Variants in LPP observed in about 807,000 individuals in gnomAD.
LPP encodes LIM domain containing preferred translocation partner in lipoma.
A neutral mutation model predicts 60.4 loss-of-function variants in LPP; 38 were observed. That is an observed-to-expected ratio of 0.63 (90% CI 0.49 to 0.83). The LOEUF is 0.83. LPP is among the 40% of genes least tolerant of loss of function. LPP has a pLI of 0.00. For synonymous variants in LPP, 328 were observed against 290.8 expected (o/e 1.13, Z -1.30); for missense variants, 902 against 783.6 (o/e 1.15, Z -1.80).
intron 9 of LPP, among the ~76,000 whole-genome samples, chr3:188,845,558 CT>C (rs1761188289): frequency 6.7e-6 from 1 of 148,736 alleles, no homozygotes; most frequent in Non-Finnish European, 1.5e-5. Context: ...ATTTGTTCTC[CT>C]TGATTGAATG....
intron 4 of LPP, among the ~76,000 whole-genome samples, chr3:188,422,401 C>G (rs562029751): frequency 6.6e-6 from 1 of 152,104 alleles, no homozygotes; most frequent in Non-Finnish European, 1.5e-5. Context: ...ACATTAAATG[C>G]CTGCCTTTTG....
intron 9 of LPP, among the ~76,000 whole-genome samples, chr3:188,833,985 T>A (rs1356800691): frequency 6.6e-6 from 1 of 152,206 alleles, no homozygotes; most frequent in Non-Finnish European, 1.5e-5. Flanking sequence ...TGTAAGTTTA[T>A]TTTGCCTGCT....
At chr3:188,792,824 G>A (rs941979232) in intron 9 of LPP, among the ~76,000 whole-genome samples, 1 of 152,168 alleles carries the variant, frequency 6.6e-6, no homozygotes, top group African/African-American at 2.4e-5. Context: ...AATACTGGGA[G>A]GCACTGCATT....
intron 8 of LPP, among the ~76,000 whole-genome samples, chr3:188,731,531 G>GTTTTGTT (rs1553817844): frequency 1.3e-5 from 2 of 151,684 alleles, no homozygotes; most frequent in African/African-American, 4.8e-5. Context: ...GTTTTGTTTT[G>GTTTTGTT]TTTTGTTTTG....
At chr3:188,354,736 C>T (rs1347866539) in intron 3 of LPP, among the ~76,000 whole-genome samples, 1 of 152,212 alleles carries the variant, frequency 6.6e-6, no homozygotes, top group Non-Finnish European at 1.5e-5. Context: ...TTGATACCCA[C>T]ACTTTGCTTA....
At chr3:188,288,394 T>A (rs1473384521) in intron 2 of LPP, among the ~76,000 whole-genome samples, 1 of 152,186 alleles carries the variant, frequency 6.6e-6, no homozygotes, top group African/African-American at 2.4e-5. Context: ...ACCAGTCCCG[T>A]GAGGTCTCCA....
In LPP at chr3:188,670,673, G is replaced by A. The variant is rs150973745; in HGVS notation, c.1114-37594G>A. On this transcript the variant is annotated intron_variant, in intron 7 of 11. Coordinates refer to ENST00000617246, the MANE Select transcript of LPP (RefSeq NM_001375462.1). ...TCCTCTTCCACTGTATAATTTTGCC[G>A]TTGGATTAAACTCATGTGGTTGGTG... Among the ~76,000 whole-genome samples, 172 of 152,206 alleles carry A rather than the reference G, an allele frequency of 1.1e-3. 1 individual carries two copies. Among genetic ancestry groups the A allele is most frequent in the East Asian group, 5.8e-3 (30 of 5,168 alleles).
intron 4 of LPP, among the ~76,000 whole-genome samples, chr3:188,409,729 T>A (rs1459652072): frequency 2.0e-5 from 3 of 152,220 alleles, no homozygotes; most frequent in Non-Finnish European, 2.9e-5. Context: ...CCCAGTTTCC[T>A]GCTTCTACAG....
At chr3:188,771,219 A>G (rs1196922228) in intron 9 of LPP, among the ~76,000 whole-genome samples, 1 of 152,152 alleles carries the variant, frequency 6.6e-6, no homozygotes, top group Non-Finnish European at 1.5e-5. Flanking sequence ...CATAAAAGGA[A>G]TGAATTCATT....
intron 1 of LPP, among the ~76,000 whole-genome samples, chr3:188,183,962 G>A (rs1725848135): frequency 6.6e-6 from 1 of 152,108 alleles, no homozygotes; most frequent in Non-Finnish European, 1.5e-5. Flanking sequence ...AAGGACCTAT[G>A]GTAGCAGATG....
intron 7 of LPP, among the ~76,000 whole-genome samples, chr3:188,689,184 C>G (rs1338327962): frequency 1.3e-5 from 2 of 152,172 alleles, no homozygotes; most frequent in African/African-American, 4.8e-5. Context: ...GTCGGCCTGG[C>G]ACCCAGCTAT....
intron 8 of LPP, among the ~76,000 whole-genome samples, chr3:188,733,884 G>A (rs890024161): frequency 2.0e-5 from 3 of 152,206 alleles, no homozygotes; most frequent in Admixed American, 6.5e-5. Flanking sequence ...TGATATAGGC[G>A]TATTTCTCAC....
intron 7 of LPP, among the ~76,000 whole-genome samples, chr3:188,626,581 T>C (rs1261378363): frequency 2.6e-5 from 4 of 152,086 alleles, no homozygotes; most frequent in African/African-American, 9.7e-5. Flanking sequence ...CTAAGAGCTT[T>C]CTCCTTGGAT....
At chr3:188,455,506 G>A (rs1560426964) in intron 4 of LPP, among the ~76,000 whole-genome samples, 1 of 152,024 alleles carries the variant, frequency 6.6e-6, no homozygotes, top group Non-Finnish European at 1.5e-5. Flanking sequence ...TCCTTGATTG[G>A]CAAAGTAATT....
intron 2 of LPP, among the ~76,000 whole-genome samples, chr3:188,338,952 T>C (rs1762369484): frequency 6.6e-6 from 1 of 152,192 alleles, no homozygotes. Context: ...TTCATTTCCA[T>C]GTCATTCCAT....
chr3:188,823,870 T>C (rs1754665036), intron 9 of LPP, among the ~76,000 whole-genome samples: 1 of 152,206 alleles, frequency 6.6e-6, no homozygotes, highest in Non-Finnish European at 1.5e-5. Flanking sequence ...TATTCCTCCC[T>C]ATGTTTATCT....
At chr3:188,225,064 T>C (rs1717229827) in intron 1 of LPP, among the ~76,000 whole-genome samples, 2 of 152,222 alleles carry the variant, frequency 1.3e-5, no homozygotes, top group Non-Finnish European at 2.9e-5. Context: ...CTCATATTCC[T>C]TTTCTTTTTT....
At chr3:188,716,854 G>A (rs184981628) in intron 8 of LPP, among the ~76,000 whole-genome samples, 43 of 152,228 alleles carry the variant, frequency 2.8e-4, no homozygotes, top group Admixed American at 2.5e-3. Context: ...TGTGACTTAG[G>A]CACAAACAAG....
At chr3:188,258,463 C>T (rs1732413088) in intron 2 of LPP, among the ~76,000 whole-genome samples, 1 of 152,172 alleles carries the variant, frequency 6.6e-6, no homozygotes, top group African/African-American at 2.4e-5. Context: ...GCTGGGAATA[C>T]AGGGACACGC....
Sources: allele counts gnomAD v4.1 joint callset (sites outside exome capture counted in the v4.1 genomes callset), GRCh38; gene constraint gnomAD v4.1.1; transcripts MANE v1.5; gene names NCBI Gene and HGNC (gene_info 2026-07-23, HGNC 2026-07-21).